SLC38A6: variants seen among roughly 807,000 people sequenced by gnomAD.
SLC38A6 encodes N system amino acid transporter NAT-1.
A neutral mutation model predicts 65.0 loss-of-function variants in SLC38A6; 73 were observed. That is an observed-to-expected ratio of 1.12 (90% CI 0.93 to 1.37). The LOEUF (loss-of-function observed/expected upper bound fraction) is 1.37. Among genes scored for constraint, SLC38A6 ranks in the 40% most tolerant of loss-of-function variants. The probability of loss-of-function intolerance (pLI) is 0.00; values close to 1 mark genes in which losing one functional copy is unlikely to be tolerated. For missense variants in SLC38A6, 561 were observed against 531.1 expected, an observed-to-expected ratio of 1.06 and a Z score of -0.55; for synonymous variants, 183 against 178.8, an observed-to-expected ratio of 1.02 and a Z score of -0.19.
At chr14:61,038,996 A>G (rs1467250530) in intron 8 of SLC38A6, among the ~76,000 whole-genome samples, 1 of 152,218 alleles carries the variant, frequency 6.6e-6, no homozygotes, top group African/African-American at 2.4e-5. Context: ...AAATGAATGT[A>G]TGGATATTAA....
rs2036992496 is a variant in SLC38A6 at position 60,981,323 on chromosome 14, GTC to G, written c.50_51del (p.Ser17CysfsTer5). 2 of 1,611,022 alleles carry G rather than the reference GTC, an allele frequency of 1.2e-6. No individual in the cohort carries two copies. The highest frequency in any genetic ancestry group is 4.5e-5 in the East Asian group (2 of 44,812). On this transcript the variant is annotated frameshift_variant, in exon 1 of 16. Coordinates refer to ENST00000267488, the MANE Select transcript of SLC38A6 (RefSeq NM_153811.3). LOFTEE classifies it high-confidence loss of function. ...GSFNAERGWY[V>X]SVQQPEEAEA... ...CTTCAACGCTGAGCGGGGCTGGTATGTCTCTGTCCAGCAGCCTGAAGAAGCGG... is the reference window on the plus strand; with the variant it reads ...CTTCAACGCTGAGCGGGGCTGGTATGTCTGTCCAGCAGCCTGAAGAAGCGG...
At chr14:61,053,949 A>G (rs1405630140), downstream of SLC38A6, among the ~76,000 whole-genome samples, 2 of 151,988 alleles carry the variant, frequency 1.3e-5, no homozygotes, top group Non-Finnish European at 2.9e-5. Context: ...ATCTTTGCCC[A>G]TTCCTATGTC....
Position 61,011,364 on chromosome 14 carries a change from C to T in SLC38A6, c.311-4540C>T, listed in dbSNP as rs549793167. 1.7e-3 allele frequency among the ~76,000 whole-genome samples: 261 copies of T among 152,142 alleles called. 1 individual carries two copies. The highest frequency in any genetic ancestry group is 5.5e-3 in the African/African-American group (229 of 41,502). On this transcript the variant is annotated intron_variant, in intron 3 of 15. Transcript: ENST00000267488. ...GACTTCCTCTTTTCCTAATTGAATA[C>T]CCTTTATTTCCTTCTCCTGCCTGAT...
chr14:60,999,141 A>AT (rs2038519444), intron 3 of SLC38A6, among the ~76,000 whole-genome samples: 2 of 152,184 alleles, frequency 1.3e-5, no homozygotes, highest in African/African-American at 4.8e-5. Context: ...AGGAATTTGT[A>AT]GTTTTTGCTG....
At chr14:61,022,084 T>C (rs917787520) in intron 5 of SLC38A6, among the ~76,000 whole-genome samples, 2 of 152,118 alleles carry the variant, frequency 1.3e-5, no homozygotes, top group Admixed American at 1.3e-4. Context: ...ACCCCAAAAT[T>C]TGAATTCAAA....
chr14:61,029,416 A>C (rs1166253566), intron 5 of SLC38A6, among the ~76,000 whole-genome samples: 1 of 152,002 alleles, frequency 6.6e-6, no homozygotes, highest in African/African-American at 2.4e-5. Context: ...TGGCCTCCCA[A>C]ACACTCTTTG....
At chr14:60,999,063 G>T (rs901058176) in intron 3 of SLC38A6, among the ~76,000 whole-genome samples, 2 of 152,192 alleles carry the variant, frequency 1.3e-5, no homozygotes, top group Non-Finnish European at 2.9e-5. Context: ...ATAGTTTACT[G>T]TTATTAGTAG....
chr14:61,071,162 C>T (rs949175753), intron 15 of SLC38A6, among the ~76,000 whole-genome samples: 3 of 152,008 alleles, frequency 2.0e-5, no homozygotes, highest in Non-Finnish European at 4.4e-5. Context: ...ATGCATAGAC[C>T]ATAATTTAAT....
rs118103614 is a variant in SLC38A6, at chr14:60,991,796, C to T, written c.310+6993C>T. 1.9e-3 allele frequency among the ~76,000 whole-genome samples: 294 copies of T among 152,250 alleles called. 8 individuals carry two copies. In the East Asian group the frequency reaches 0.05, roughly 26 times the overall value. On this transcript the variant is annotated intron_variant, in intron 3 of 15. Coordinates refer to ENST00000267488, the MANE Select transcript of SLC38A6 (RefSeq NM_153811.3). ...AGGAAGGAGGATCTACCTTTCTGTTCCATTATTCTTGTGTGTGCCTTCCCC... is the reference window on the plus strand; with the variant it reads ...AGGAAGGAGGATCTACCTTTCTGTTTCATTATTCTTGTGTGTGCCTTCCCC...
chr14:61,030,517 A>G lies in SLC38A6; in HGVS notation c.476A>G (p.Tyr159Cys). The change falls in exon 6 of 16, where the codon TAT becomes TGT. Residue 159 changes from tyrosine (Y) to cysteine (C), a missense_variant. Transcript: ENST00000267488. ...AAIAEFLTGD[Y>C]SRYWYLDGQT... ...ATTGCAGAATTTTTGACTGGAGACT[A>G]TAGTAGGTAAGAAAAAGTATTTTAC... 1.9e-6 allele frequency: 3 copies of G among 1,602,098 alleles called. No homozygotes were observed. Among genetic ancestry groups the G allele is most frequent in the South Asian group, 1.1e-5 (1 of 89,494 alleles).
chr14:61,012,347 T>C (rs2039641886), intron 3 of SLC38A6, among the ~76,000 whole-genome samples: 1 of 152,234 alleles, frequency 6.6e-6, no homozygotes, highest in East Asian at 1.9e-4. Flanking sequence ...TCTGGATTCA[T>C]TGATTTTTTT....
chr14:61,024,991 A>T (rs867763105), intron 5 of SLC38A6, among the ~76,000 whole-genome samples: 2 of 152,208 alleles, frequency 1.3e-5, no homozygotes, highest in Non-Finnish European at 2.9e-5. Flanking sequence ...GAGATTAAAA[A>T]TTTAATCATT....
At chr14:61,014,846 G>T (rs1027512337) in intron 3 of SLC38A6, among the ~76,000 whole-genome samples, 3 of 152,202 alleles carry the variant, frequency 2.0e-5, no homozygotes, top group Non-Finnish European at 4.4e-5. Flanking sequence ...CCCACTTGAG[G>T]AGGCATTCTG....
chr14:61,063,164 T>G (rs1267695204), intron 15 of SLC38A6, among the ~76,000 whole-genome samples: 1 of 152,206 alleles, frequency 6.6e-6, no homozygotes, highest in Non-Finnish European at 1.5e-5. Context: ...CAAAATTGAT[T>G]CTTAGCTATG....
chr14:61,073,913 C>T (rs1207930006), intron 15 of SLC38A6: 2 of 151,694 alleles, frequency 1.3e-5, no homozygotes, highest in Non-Finnish European at 2.9e-5. Context: ...AGAATGAAGA[C>T]CTTTATGATG....
chr14:61,004,849 C>T (rs1388324535), intron 3 of SLC38A6, among the ~76,000 whole-genome samples: 2 of 152,136 alleles, frequency 1.3e-5, no homozygotes, highest in African/African-American at 2.4e-5. Context: ...AGGCCAGCAT[C>T]ATCCTGATAC....
At chr14:60,988,818 A>C (rs1012524124) in intron 3 of SLC38A6, among the ~76,000 whole-genome samples, 1 of 152,250 alleles carries the variant, frequency 6.6e-6, no homozygotes, top group Non-Finnish European at 1.5e-5. Context: ...TTTCCCTGGT[A>C]AAATTCCAAC....
chr14:61,023,806 A>C (rs2040472062), intron 5 of SLC38A6, among the ~76,000 whole-genome samples: 1 of 152,040 alleles, frequency 6.6e-6, no homozygotes, highest in Admixed American at 6.6e-5. Flanking sequence ...GCCCTTGATC[A>C]ATATTTGTTT....
At chr14:61,065,934 G>A (rs1052542323) in intron 15 of SLC38A6, among the ~76,000 whole-genome samples, 3 of 152,158 alleles carry the variant, frequency 2.0e-5, no homozygotes, top group Admixed American at 6.5e-5. Context: ...AGTATATACA[G>A]AGAGAAAATA....
Sources: gnomAD v4.1 joint callset for allele counts (sites outside exome capture counted in the v4.1 genomes callset) on GRCh38, gnomAD v4.1.1 for gene constraint, MANE v1.5 for transcripts, NCBI Gene and HGNC (gene_info 2026-07-23, HGNC 2026-07-21) for gene names.